The following NCOA4 variants were observed in gnomAD, a reference collection of about 807,000 sequenced individuals.
NCOA4 encodes 70 kDa AR-activator.
A neutral mutation model predicts 69.5 loss-of-function variants in NCOA4; 31 were observed. That is an observed-to-expected ratio of 0.45 (90% CI 0.34 to 0.60). The LOEUF (loss-of-function observed/expected upper bound fraction) is 0.60. Among genes scored for constraint, NCOA4 ranks in the 20% least tolerant of loss-of-function variants. The probability of loss-of-function intolerance (pLI) is 0.02; values close to 1 mark genes in which losing one functional copy is unlikely to be tolerated. For missense variants in NCOA4, 600 were observed against 719.2 expected (o/e 0.83, Z 1.90); for synonymous variants, 228 against 252.4 (o/e 0.90, Z 0.92).
intron 1 of NCOA4, among the ~76,000 whole-genome samples, chr10:46,028,528 T>C (rs1447652894): frequency 6.8e-6 from 1 of 147,532 alleles, no homozygotes; most frequent in African/African-American, 2.5e-5. Context: ...GCTATTATCA[T>C]CACCATTAAT....
intron 9 of NCOA4, chr10:46,009,106 G>A: frequency 6.8e-7 from 1 of 1,465,648 alleles, no homozygotes; most frequent in South Asian, 1.2e-5. Flanking sequence ...TATTGCAGTG[G>A]CCTGGAACCA....
intron 5 of NCOA4, 72 bp downstream of exon 5, chr10:46,014,372 C>T: frequency 1.8e-6 from 2 of 1,104,792 alleles, no homozygotes; most frequent in Non-Finnish European, 2.7e-6. Context: ...CTATTCATAG[C>T]AATTTTTTTT....
chr10:46,010,716 T>A lies in NCOA4; in HGVS notation c.1205A>T (p.Glu402Val), dbSNP rs1554921126. The stretch of plus-strand genomic sequence containing the variant: ...GCAGGGCTCATTGGCTCTGCACACC[T>A]CCTCTACCTTACATGGGTCCTGATG... ...QNHQDPCKVE[E>V]VCRANEPCTS... Residue 402 changes from glutamate (E) to valine (V), a missense_variant, in exon 8 of 10, where the codon GAG (glutamate) becomes GTG (valine). Glu to Val is a moderately radical substitution (Grantham distance 121). Coordinates refer to ENST00000581486, the MANE Select transcript of NCOA4 (RefSeq NM_001145263.2). The A allele has an allele frequency of 8.7e-6, 14 of 1,613,838 alleles. No individual in the cohort carries two copies. The highest frequency in any genetic ancestry group is 1.3e-5 in the African/African-American group (1 of 74,904).
rs782179015 is a variant in NCOA4, at chr10:46,013,541, A to T, written c.570+9T>A. On this transcript the variant is annotated intron_variant, in intron 6 of 9. Transcript: ENST00000581486. ...TGACTCAATTACCAAAAACAAAATG[A>T]TATTTTACCTGCTCTGGCATGGAGA... 1.9e-6 allele frequency: 3 copies of T among 1,593,446 alleles called. No homozygotes were observed. The highest frequency in any genetic ancestry group is 2.6e-6 in the Non-Finnish European group (3 of 1,163,768).
intron 5 of NCOA4, 135 bp from the exon 6 acceptor site, chr10:46,013,774 T>TAC (rs1839369522): frequency 1.8e-6 from 1 of 570,616 alleles, no homozygotes; most frequent in African/African-American, 1.9e-5. Context: ...TTCCATGACT[T>TAC]ACAAAGTAGT....
At position 46,008,563 on chromosome 10, in the gene NCOA4, G is replaced by A. The variant is rs148940757; in HGVS notation, c.1839+848C>T. ...AAACGGATGAGCAGTTGCTTCTTAC[G>A]GATGAGCAAAGAAAGTGATTTCTTG... On this transcript the variant is annotated intron_variant, in intron 9 of 9. Transcript: ENST00000581486. 2.1e-3 allele frequency among the ~76,000 whole-genome samples: 318 copies of A among 152,282 alleles called. 1 individual carries two copies. The highest frequency in any genetic ancestry group is 7.4e-3 in the African/African-American group (306 of 41,556).
chr10:46,029,294 G>T (rs113739977), intron 1 of NCOA4, among the ~76,000 whole-genome samples: 64 of 152,182 alleles, frequency 4.2e-4, no homozygotes, highest in Non-Finnish European at 7.1e-4. Flanking sequence ...AAAATGAAAG[G>T]AACGTTATTG....
intron 1 of NCOA4, among the ~76,000 whole-genome samples, chr10:46,025,724 T>C (rs1840125516): frequency 1.3e-5 from 2 of 152,252 alleles, no homozygotes; most frequent in Non-Finnish European, 2.9e-5. Flanking sequence ...TCAATACTTT[T>C]GGCCAATAGA....
intron 1 of NCOA4, chr10:46,022,569 T>C (rs1554924680): frequency 2.4e-6 from 1 of 410,672 alleles, no homozygotes; most frequent in Non-Finnish European, 4.9e-6. Context: ...CATACCATTC[T>C]CCTGTCTCAG....
rs144117988 is a variant in NCOA4 at position 46,025,995 on chromosome 10, G to T, written c.-15+4531C>A. ...TCGACATAAAGAGAAAATGTCCCTG[G>T]CAATTGTACAATGCTTCACCCTAAA... On this transcript the variant is annotated intron_variant, in intron 1 of 9. Coordinates refer to ENST00000581486, the MANE Select transcript of NCOA4 (RefSeq NM_001145263.2). Among the ~76,000 whole-genome samples the T allele has an allele frequency of 3.6e-3, 541 of 152,244 alleles. 2 individuals are homozygous for T. Among genetic ancestry groups the T allele is most frequent in the African/African-American group, 0.013 (521 of 41,542 alleles).
intron 1 of NCOA4, among the ~76,000 whole-genome samples, chr10:46,022,759 C>T (rs1274140067): frequency 6.6e-6 from 1 of 152,124 alleles, no homozygotes; most frequent in Non-Finnish European, 1.5e-5. Context: ...GCCACCGCGC[C>T]CGGCCTAAAG....
chr10:46,017,509 C>T (rs987004199), intron 1 of NCOA4, among the ~76,000 whole-genome samples: 1 of 152,166 alleles, frequency 6.6e-6, no homozygotes, highest in Non-Finnish European at 1.5e-5. Context: ...TGCACCTGCA[C>T]TCCACCCTGG....
intron 1 of NCOA4, among the ~76,000 whole-genome samples, chr10:46,024,570 A>T (rs1363346554): frequency 6.6e-6 from 1 of 152,244 alleles, no homozygotes; most frequent in Non-Finnish European, 1.5e-5. Context: ...TGTTACTATA[A>T]TGATGTGATT....
chr10:46,012,554 G>A (rs797031338), intron 7 of NCOA4, among the ~76,000 whole-genome samples: 9 of 151,900 alleles, frequency 5.9e-5, no homozygotes, highest in African/African-American at 1.9e-4. Context: ...TCTACCTACC[G>A]AAACAGGACT....
chr10:46,006,782 T>C (rs142919038), intron 9 of NCOA4, among the ~76,000 whole-genome samples, 185 bp from the exon 10 acceptor site: 17 of 152,234 alleles, frequency 1.1e-4, no homozygotes, highest in Admixed American at 4.6e-4. Flanking sequence ...CATCAATAAA[T>C]GTCCTGAATG....
At chr10:46,025,379 A>G (rs1554925351) in intron 1 of NCOA4, among the ~76,000 whole-genome samples, 2 of 152,188 alleles carry the variant, frequency 1.3e-5, no homozygotes, top group Non-Finnish European at 2.9e-5. Context: ...ACTTGGATTC[A>G]CACCCCAATA....
At chr10:46,023,725 C>A (rs961176800) in intron 1 of NCOA4, among the ~76,000 whole-genome samples, 2 of 152,188 alleles carry the variant, frequency 1.3e-5, no homozygotes, top group Non-Finnish European at 2.9e-5. Context: ...GGGCCCAACT[C>A]AATGAGAATT....
intron 1 of NCOA4, among the ~76,000 whole-genome samples, chr10:46,027,880 T>C (rs1252916548): frequency 2.6e-5 from 4 of 152,226 alleles, no homozygotes; most frequent in Non-Finnish European, 5.9e-5. Flanking sequence ...GACTAATATA[T>C]GTAAAGCACT....
intron 1 of NCOA4, among the ~76,000 whole-genome samples, chr10:46,020,194 G>A (rs1285688008): frequency 6.6e-6 from 1 of 152,184 alleles, no homozygotes; most frequent in East Asian, 1.9e-4. Flanking sequence ...TTCACCATTT[G>A]TTTCAGGTTC....
Sources: gnomAD v4.1 joint callset for allele counts (sites outside exome capture counted in the v4.1 genomes callset) on GRCh38, gnomAD v4.1.1 for gene constraint, MANE v1.5 for transcripts, NCBI Gene and HGNC (gene_info 2026-07-23, HGNC 2026-07-21) for gene names.